ZNF578: variants seen among roughly 807,000 people sequenced by gnomAD.
ZNF578 encodes the protein zinc finger protein 578.
Under a neutral mutation model 8.3 loss-of-function variants are expected in ZNF578, and 8 were observed. That is an observed-to-expected ratio of 0.96 (90% CI 0.56 to 1.74). ZNF578 has a LOEUF of 1.74. Ranked by LOEUF, ZNF578 falls within the 40% of genes most tolerant of loss-of-function variation. The pLI is 0.00. For synonymous variants in ZNF578, 206 were observed against 232.2 expected, an observed-to-expected ratio of 0.89 and a Z score of 1.03; for missense variants, 726 against 707.5, an observed-to-expected ratio of 1.03 and a Z score of -0.30.
At chr19:52,464,487 A>AT (rs779387822) in intron 2 of ZNF578, among the ~76,000 whole-genome samples, 2 of 152,050 alleles carry the variant, frequency 1.3e-5, no homozygotes, top group African/African-American at 4.8e-5. Flanking sequence ...TTTTTAAAGA[A>AT]TTTTTTCTAA....
chr19:52,467,293 G>C (rs1247179810), intron 2 of ZNF578, among the ~76,000 whole-genome samples: 1 of 152,086 alleles, frequency 6.6e-6, no homozygotes, highest in Non-Finnish European at 1.5e-5. Flanking sequence ...GTGATTACAG[G>C]CATGAACCAC....
intron 2 of ZNF578, among the ~76,000 whole-genome samples, chr19:52,463,393 CAGG>C (rs2059264737): frequency 6.6e-6 from 1 of 152,190 alleles, no homozygotes; most frequent in African/African-American, 2.4e-5. Flanking sequence ...CAGATCTTGT[CAGG>C]TGCCAACCTT....
intron 4 of ZNF578, among the ~76,000 whole-genome samples, chr19:52,502,928 A>C (rs74510182): frequency 0.17 from 25,456 of 152,016 alleles, 2,622 homozygotes; most frequent in Non-Finnish European, 0.23. Context: ...AGTCTCGCTC[A>C]GTCACCAAAG....
At chr19:52,492,157 C>CAAAAAAAAAAAAAAA (rs869249180) in intron 3 of ZNF578, among the ~76,000 whole-genome samples, 1 of 67,638 alleles carries the variant, frequency 1.5e-5, no homozygotes, top group African/African-American at 5.1e-5. Context: ...GATTCTGTCT[C>CAAAAAAAAAAAAAAA]AAAAAAAAAA....
intron 2 of ZNF578, among the ~76,000 whole-genome samples, chr19:52,460,554 A>C (rs1052255210): frequency 4.6e-5 from 7 of 152,194 alleles, no homozygotes; most frequent in Non-Finnish European, 1.0e-4. Flanking sequence ...AATGCCTATC[A>C]GATATGTGAT....
At position 52,463,099 on chromosome 19, in the gene ZNF578, C is replaced by A. The variant is rs145715238; in HGVS notation, c.-122+6141C>A. 8.2e-3 allele frequency among the ~76,000 whole-genome samples: 1,245 copies of A among 152,238 alleles called. 20 individuals carry two copies. Among genetic ancestry groups the A allele is most frequent in the African/African-American group, 0.029 (1,188 of 41,528 alleles). On this transcript the variant is annotated intron_variant, in intron 2 of 5. Transcript: ENST00000421239. ...CCCCTATCTCCTGTTTATGTAATTG[C>A]ATTTTTAAGGTTCGATTGGCTCGCT...
At chr19:52,492,614 T>A (rs2059369688) in intron 3 of ZNF578, among the ~76,000 whole-genome samples, 6 of 152,212 alleles carry the variant, frequency 3.9e-5, no homozygotes, top group Admixed American at 1.3e-4. Context: ...TGCCTCAACC[T>A]TCCTGGCCGC....
chr19:52,465,095 G>A lies in ZNF578; in HGVS notation c.-122+8137G>A, dbSNP rs539205296. Among the ~76,000 whole-genome samples, 3 of 152,290 alleles carry A rather than the reference G, an allele frequency of 2.0e-5. No individual in the cohort carries two copies. The East Asian group carries it at 5.8e-4, about 29-fold the overall frequency. ...GTGGGTGAAACATGGCCTTTTTCTA[G>A]TAGTTCTTTAACTATTTCATGAAAT... On this transcript the variant is annotated intron_variant, in intron 2 of 5. Transcript: ENST00000421239.
chr19:52,501,696 T>G, intron 3 of ZNF578, 131 bp from the exon 4 acceptor site: 1 of 871,024 alleles, frequency 1.1e-6, no homozygotes, highest in Non-Finnish European at 1.7e-6. Context: ...TATGTCTGCA[T>G]GATCTCTGGT....
intron 2 of ZNF578, among the ~76,000 whole-genome samples, chr19:52,465,891 A>G (rs867545987): frequency 1.3e-5 from 2 of 152,140 alleles, no homozygotes; most frequent in South Asian, 4.1e-4. Flanking sequence ...TTCCTTTACC[A>G]GATTCTCTCG....
chr19:52,486,910 A>T (rs2059347756), intron 2 of ZNF578, among the ~76,000 whole-genome samples: 1 of 151,906 alleles, frequency 6.6e-6, no homozygotes, highest in African/African-American at 2.4e-5. Context: ...AGAAAGGGAT[A>T]AACGGCAGAA....
At chr19:52,499,219 T>G (rs2059397973) in intron 3 of ZNF578, among the ~76,000 whole-genome samples, 1 of 152,234 alleles carries the variant, frequency 6.6e-6, no homozygotes, top group Non-Finnish European at 1.5e-5. Flanking sequence ...AAATACAGTG[T>G]GTGACTTTTC....
intron 2 of ZNF578, among the ~76,000 whole-genome samples, chr19:52,486,909 T>G: frequency 6.7e-6 from 1 of 148,810 alleles, no homozygotes; most frequent in Non-Finnish European, 1.5e-5. Context: ...AAGAAAGGGA[T>G]AAACGGCAGA....
At chr19:52,461,128 C>G (rs114655550) in intron 2 of ZNF578, among the ~76,000 whole-genome samples, 2,199 of 152,302 alleles carry the variant, frequency 0.014, 51 homozygotes, top group African/African-American at 0.048. Context: ...GTGAAATGCG[C>G]CTGAGATGCT....
chr19:52,500,938 G>A (rs1040144784), intron 3 of ZNF578, among the ~76,000 whole-genome samples: 2 of 149,982 alleles, frequency 1.3e-5, no homozygotes, highest in African/African-American at 4.9e-5. Flanking sequence ...GAGTGCAGTG[G>A]TGGGATCTCG....
intron 2 of ZNF578, among the ~76,000 whole-genome samples, chr19:52,485,799 A>C (rs923253619): frequency 1.3e-5 from 2 of 151,890 alleles, no homozygotes; most frequent in Non-Finnish European, 2.9e-5. Flanking sequence ...ACCACTCCCT[A>C]TTCTCAAGTA....
At chr19:52,480,796 C>T (rs571342817) in intron 2 of ZNF578, among the ~76,000 whole-genome samples, 157 of 151,676 alleles carry the variant, frequency 1.0e-3, no homozygotes, top group African/African-American at 3.3e-3. Flanking sequence ...ACTCGGGTGG[C>T]TGAGGCAGAG....
intron 2 of ZNF578, among the ~76,000 whole-genome samples, chr19:52,479,264 A>C (rs906725364): frequency 2.6e-5 from 4 of 151,552 alleles, no homozygotes; most frequent in South Asian, 2.1e-4. Flanking sequence ...GGCCGGGCGC[A>C]GTGGCTCACG....
Position 52,512,129 on chromosome 19 carries a change from C to T in ZNF578, c.1748C>T (p.Ser583Leu). The stretch of plus-strand genomic sequence containing the variant: ...GCTCACAATCACTTGATTGATTCAT[C>T]AATCAAGCCTTGCATGTCATCATAG... ...GKAHNHLIDS[S>L]IKPCMSS is the part of the protein sequence containing the mutation. The change falls in exon 6 of 6, where the codon TCA becomes TTA. Residue 583 changes from serine to leucine, a missense_variant. Transcript: ENST00000421239. The T allele has an allele frequency of 6.2e-7, 1 of 1,613,618 alleles. No homozygotes were observed. The highest frequency in any genetic ancestry group is 8.5e-7 in the Non-Finnish European group (1 of 1,179,796).
Sources: allele counts gnomAD v4.1 joint callset (sites outside exome capture counted in the v4.1 genomes callset), GRCh38; gene constraint gnomAD v4.1.1; transcripts MANE v1.5; gene names NCBI Gene and HGNC (gene_info 2026-07-23, HGNC 2026-07-21).